The following USP49 variants were observed in gnomAD, a reference collection of about 807,000 sequenced individuals.
The protein encoded by USP49 is ubiquitin specific peptidase 49, also known as ubiquitin carboxyl-terminal hydrolase 49.
USP49 carries 24 observed loss-of-function variants against 58.6 expected under a neutral mutation model. That is an observed-to-expected ratio of 0.41 (90% CI 0.30 to 0.58). The LOEUF (loss-of-function observed/expected upper bound fraction) is 0.58. Among genes scored for constraint, USP49 ranks in the 20% least tolerant of loss-of-function variants. The pLI, the probability that USP49 is intolerant of heterozygous loss-of-function variation, is 0.30. For missense variants in USP49, 703 were observed against 866.1 expected (o/e 0.81, Z 2.36); for synonymous variants, 408 against 365.1 (o/e 1.12, Z -1.34).
chr6:41,820,143 A>C (rs750167842), intron 3 of USP49, among the ~76,000 whole-genome samples: 1 of 151,728 alleles, frequency 6.6e-6, no homozygotes, highest in East Asian at 1.9e-4. Context: ...CTGGGGAAAA[A>C]TGTTTTAAAA....
intron 2 of USP49, among the ~76,000 whole-genome samples, chr6:41,885,810 G>A (rs537554408): frequency 2.0e-5 from 3 of 152,016 alleles, no homozygotes; most frequent in African/African-American, 7.2e-5. Context: ...AAAAAAAAGA[G>A]AGAGTCTCCC....
At chr6:41,853,252 T>A (rs1181455491) in intron 3 of USP49, among the ~76,000 whole-genome samples, 1 of 152,210 alleles carries the variant, frequency 6.6e-6, no homozygotes. Flanking sequence ...TTGTGGACTT[T>A]AGGCAAAATG....
At position 41,828,724 on chromosome 6, in the gene USP49, T is replaced by C. The variant is rs1213632300; in HGVS notation, c.-28-21713A>G. ...TACATAAGATTTACAGTTAATACAA[T>C]CATATGACGCATCTTATAATTTCAT... On this transcript the variant is annotated intron_variant, in intron 3 of 7. Coordinates refer to ENST00000682992, the MANE Select transcript of USP49 (RefSeq NM_001286554.2). 2.6e-5 allele frequency among the ~76,000 whole-genome samples: 4 copies of C among 152,190 alleles called. No homozygotes were observed. In the East Asian group the frequency reaches 7.7e-4, roughly 29 times the overall value.
At position 41,795,739 on chromosome 6, in the gene USP49, G is replaced by C. The variant is rs1237454930; in HGVS notation, c.*794C>G. ...ATGTGCTTGCCCTAGACCTGAACCA[G>C]GGATCTGCTACAGAACTGAGATAGC... On this transcript the variant is annotated 3_prime_UTR_variant, in exon 8 of 8. Coordinates refer to ENST00000682992, the MANE Select transcript of USP49 (RefSeq NM_001286554.2). 1 of 152,194 alleles carries C rather than the reference G, an allele frequency of 6.6e-6. No individual in the cohort carries two copies. The highest frequency in any genetic ancestry group is 2.4e-5 in the African/African-American group (1 of 41,450). 9.4% of individuals were successfully genotyped at this position (152,194 alleles called of 1,614,324 possible).
At chr6:41,818,109 G>A (rs1166711143) in intron 3 of USP49, among the ~76,000 whole-genome samples, 2 of 152,156 alleles carry the variant, frequency 1.3e-5, no homozygotes, top group South Asian at 2.1e-4. Flanking sequence ...ATCAAGATCT[G>A]TAAGATGACT....
intron 3 of USP49, among the ~76,000 whole-genome samples, chr6:41,809,288 C>T (rs1459111207): frequency 6.6e-6 from 1 of 151,596 alleles, no homozygotes; most frequent in Non-Finnish European, 1.5e-5. Context: ...TTTGGGAGGC[C>T]GAGGCAGGTG....
At chr6:41,823,290 GAC>G (rs1046363099) in intron 3 of USP49, among the ~76,000 whole-genome samples, 3 of 152,186 alleles carry the variant, frequency 2.0e-5, no homozygotes, top group African/African-American at 7.2e-5. Flanking sequence ...TTTAAAAAAG[GAC>G]ATGGCACTGA....
intron 3 of USP49, among the ~76,000 whole-genome samples, chr6:41,871,362 T>C (rs1582033257): frequency 6.6e-6 from 1 of 152,132 alleles, no homozygotes. Context: ...TATGGCTGTG[T>C]CCCCTCTTAG....
intron 2 of USP49, among the ~76,000 whole-genome samples, chr6:41,890,366 A>C (rs944636560): frequency 1.5e-5 from 2 of 135,582 alleles, no homozygotes; most frequent in African/African-American, 5.3e-5. Flanking sequence ...GCTACAGAGC[A>C]GTACTCCAAC....
chr6:41,807,591 G>A (rs1265247259), intron 3 of USP49, among the ~76,000 whole-genome samples: 1 of 151,592 alleles, frequency 6.6e-6, no homozygotes, highest in African/African-American at 2.4e-5. Flanking sequence ...CTGACGCCAC[G>A]CCACCACACC....
intron 2 of USP49, among the ~76,000 whole-genome samples, chr6:41,882,878 T>C (rs1774636803): frequency 1.3e-5 from 2 of 151,998 alleles, no homozygotes; most frequent in South Asian, 2.1e-4. Flanking sequence ...ATCGCACCAC[T>C]GTACTCCAGC....
intron 3 of USP49, among the ~76,000 whole-genome samples, chr6:41,848,699 C>T (rs995897232): frequency 2.0e-5 from 3 of 151,344 alleles, no homozygotes; most frequent in Admixed American, 2.0e-4. Flanking sequence ...ACTAAAAATA[C>T]AAAAAATTAG....
intron 3 of USP49, among the ~76,000 whole-genome samples, chr6:41,817,910 C>T (rs777595174): frequency 5.3e-5 from 8 of 152,288 alleles, no homozygotes; most frequent in African/African-American, 7.2e-5. Context: ...GCCACTTCAC[C>T]GGGCCACTCC....
intron 3 of USP49, among the ~76,000 whole-genome samples, chr6:41,814,376 A>G (rs1374410288): frequency 6.6e-6 from 1 of 152,206 alleles, no homozygotes; most frequent in Non-Finnish European, 1.5e-5. Flanking sequence ...AGATAATTAA[A>G]TCTTTTCAAC....
rs748987308 is a variant in USP49, at chr6:41,806,662, C to T, written c.322G>A (p.Asp108Asn). ...SLLAVRGQKQ[D>N]TPVRRGRTLR... ...GTCCGCCCACGTCTCACCGGCGTGT[C>T]CTGTTTCTGGCCCCGGACCGCCAGG... Residue 108 changes from aspartate (D) to asparagine (N), a missense_variant, in exon 4 of 8, where the codon GAC becomes AAC. Asp to Asn is a conservative substitution (Grantham distance 23). This residue lies in a region of USP49 where 376 missense variants were observed against 373.5 expected (regional missense o/e 1.01). Coordinates refer to ENST00000682992, the MANE Select transcript of USP49 (RefSeq NM_001286554.2). This position sits in a 1 kb window ranked among gnomAD's most constrained non-coding sequence, Gnocchi z 5.9. 5.6e-5 allele frequency: 90 copies of T among 1,613,950 alleles called. No individual in the cohort carries two copies. Among genetic ancestry groups the T allele is most frequent in the Admixed American group, 8.3e-5 (5 of 60,014 alleles).
At position 41,805,800 on chromosome 6, in the gene USP49, T is replaced by A; in HGVS notation, c.1184A>T (p.Tyr395Phe). 1 of 1,614,006 alleles carries A rather than the reference T, an allele frequency of 6.2e-7. No individual in the cohort carries two copies. The highest frequency in any genetic ancestry group is 8.5e-7 in the Non-Finnish European group (1 of 1,180,004). ...AAATTCCTGCGCGTCCTGTTGGTCG[T>A]AGCCGCGGAAGGCAGGGATCAGGCT... ...VWSLIPAFRG[Y>F]DQQDAQEFLC... The change falls in exon 4 of 8, where the codon TAC becomes TTC. Residue 395 changes from tyrosine (Y) to phenylalanine (F), a missense_variant. Physicochemically the swap from Tyr to Phe is conservative, Grantham distance 22. Coordinates refer to ENST00000682992, the MANE Select transcript of USP49 (RefSeq NM_001286554.2).
intron 2 of USP49, among the ~76,000 whole-genome samples, chr6:41,879,950 A>G (rs1464207451): frequency 6.6e-6 from 1 of 152,216 alleles, no homozygotes. Context: ...TCACTCCTGA[A>G]TATGAGTAAA....
Position 41,805,798 on chromosome 6 carries a change from C to T in USP49, c.1186G>A (p.Asp396Asn). The change falls in exon 4 of 8, where the codon GAC (aspartate) becomes AAC (asparagine). Residue 396 changes from aspartate (D) to asparagine (N), a missense_variant. Asp to Asn is a conservative substitution (Grantham distance 23). Coordinates refer to ENST00000682992, the MANE Select transcript of USP49 (RefSeq NM_001286554.2). Reference protein sequence around the residue: ...WSLIPAFRGYDQQDAQEFLCE... With the variant: ...WSLIPAFRGYNQQDAQEFLCE... ...AGAAATTCCTGCGCGTCCTGTTGGTCGTAGCCGCGGAAGGCAGGGATCAGG... is the reference window on the plus strand; with the variant it reads ...AGAAATTCCTGCGCGTCCTGTTGGTTGTAGCCGCGGAAGGCAGGGATCAGG... The T allele has an allele frequency of 6.2e-7, 1 of 1,614,020 alleles. No homozygotes were observed. The highest frequency in any genetic ancestry group is 8.5e-7 in the Non-Finnish European group (1 of 1,180,008).
At chr6:41,867,992 T>C (rs1774350549) in intron 3 of USP49, among the ~76,000 whole-genome samples, 1 of 152,250 alleles carries the variant, frequency 6.6e-6, no homozygotes, top group African/African-American at 2.4e-5. Flanking sequence ...ATAGTTACAG[T>C]GACTTTTTCA....
Sources: allele counts gnomAD v4.1 joint callset (sites outside exome capture counted in the v4.1 genomes callset), GRCh38; gene constraint gnomAD v4.1.1; regional missense constraint gnomAD v4.1.1; non-coding constraint Gnocchi (gnomAD v3.1); transcripts MANE v1.5; gene names NCBI Gene and HGNC (gene_info 2026-07-23, HGNC 2026-07-21).